The following PTPRN2 variants were observed in gnomAD, a reference collection of about 807,000 sequenced individuals.
PTPRN2 encodes the protein receptor-type tyrosine-protein phosphatase N2.
In PTPRN2, 74 loss-of-function variants were observed where a neutral mutation model predicts 118.8. That is an observed-to-expected ratio of 0.62 (90% confidence interval 0.52 to 0.76). The LOEUF (loss-of-function observed/expected upper bound fraction) is 0.76, where lower values mean the gene tolerates loss of function less well. Among genes scored for constraint, PTPRN2 ranks in the 30% least tolerant of loss-of-function variants. The pLI, the probability that PTPRN2 is intolerant of heterozygous loss-of-function variation, is 0.00. For synonymous variants in PTPRN2, 641 were observed against 608.0 expected, an observed-to-expected ratio of 1.05 and a Z score of -0.80; for missense variants, 1,481 against 1,394.4, an observed-to-expected ratio of 1.06 and a Z score of -0.99.
intron 6 of PTPRN2, among the ~76,000 whole-genome samples, chr7:158,145,019 G>A (rs913434597): frequency 7.4e-5 from 11 of 148,624 alleles, no homozygotes; most frequent in East Asian, 1.9e-4. Flanking sequence ...TCACATCATC[G>A]CGAGAAGGTT....
At chr7:157,826,713 G>C (rs915016920) in intron 12 of PTPRN2, among the ~76,000 whole-genome samples, 1 of 152,134 alleles carries the variant, frequency 6.6e-6, no homozygotes, top group Non-Finnish European at 1.5e-5. Context: ...GGAGCCTGGC[G>C]GGGACTTGGG....
At chr7:157,862,349 G>A (rs180772434) in intron 12 of PTPRN2, among the ~76,000 whole-genome samples, 6 of 152,238 alleles carry the variant, frequency 3.9e-5, no homozygotes, top group African/African-American at 9.6e-5. Context: ...GAAGTTCCCT[G>A]ACAGACTTGA....
chr7:158,194,130 TGTGAGTTTGTGTAA>T (rs1283990150), intron 4 of PTPRN2, among the ~76,000 whole-genome samples: 1 of 139,290 alleles, frequency 7.2e-6, no homozygotes, highest in African/African-American at 3.4e-5. Flanking sequence ...CATGTGCGTG[TGTGAGTTTGTGTAA>T]GTGTGTGTGT....
chr7:157,600,793 C>A (rs1182910663), intron 16 of PTPRN2, among the ~76,000 whole-genome samples: 1 of 152,200 alleles, frequency 6.6e-6, no homozygotes, highest in South Asian at 2.1e-4. Flanking sequence ...TGAATATAAA[C>A]CATTATTATA....
intron 5 of PTPRN2, among the ~76,000 whole-genome samples, chr7:158,177,259 T>G (rs1824294800): frequency 6.6e-6 from 1 of 152,228 alleles, no homozygotes; most frequent in South Asian, 2.1e-4. Context: ...TTATGGATTT[T>G]TTTTTAATTT....
At chr7:157,870,692 T>C (rs1409729350) in intron 12 of PTPRN2, among the ~76,000 whole-genome samples, 1 of 152,184 alleles carries the variant, frequency 6.6e-6, no homozygotes, top group African/African-American at 2.4e-5. Context: ...TCAGAATCTC[T>C]TCCATAACAA....
chr7:158,332,381 C>A (rs1284234380), intron 2 of PTPRN2, among the ~76,000 whole-genome samples: 4 of 128,676 alleles, frequency 3.1e-5, no homozygotes, highest in Admixed American at 7.5e-5. Context: ...AGAGGTGACA[C>A]CTGCAGATGT....
At chr7:157,681,480 A>G (rs530125304) in intron 13 of PTPRN2, among the ~76,000 whole-genome samples, 2 of 152,380 alleles carry the variant, frequency 1.3e-5, no homozygotes, top group Admixed American at 6.5e-5. Flanking sequence ...ATTTCTTTGT[A>G]AGAAAAAGAT....
chr7:158,040,736 C>CTTTT (rs58192875), intron 11 of PTPRN2, among the ~76,000 whole-genome samples: 4,359 of 142,158 alleles, frequency 0.031, 106 homozygotes, highest in Non-Finnish European at 0.042. Flanking sequence ...TTTTTTCTTT[C>CTTTT]TTTTTTTTTT....
chr7:158,551,019 C>T (rs1309784743), intron 1 of PTPRN2, among the ~76,000 whole-genome samples: 2 of 152,200 alleles, frequency 1.3e-5, no homozygotes, highest in African/African-American at 2.4e-5. Context: ...CCACCAGCAG[C>T]GACCGTGAGC....
chr7:158,272,782 T>G (rs753581838), intron 3 of PTPRN2, among the ~76,000 whole-genome samples: 1 of 151,890 alleles, frequency 6.6e-6, no homozygotes, highest in Non-Finnish European at 1.5e-5. Flanking sequence ...CAGGGCCTCA[T>G]AGGTGTGAGG....
intron 11 of PTPRN2, among the ~76,000 whole-genome samples, chr7:157,943,525 T>C (rs942105538): frequency 1.3e-5 from 2 of 151,964 alleles, no homozygotes; most frequent in Non-Finnish European, 2.9e-5. Flanking sequence ...CTGGACCTGT[T>C]GGTTCCGAGG....
Position 158,544,357 on chromosome 7 carries a change from C to T in PTPRN2, c.112+43201G>A, listed in dbSNP as rs184948501. On this transcript the variant is annotated intron_variant, in intron 1 of 22. Coordinates refer to ENST00000389418, the MANE Select transcript of PTPRN2 (RefSeq NM_002847.5). The surrounding 1 kb of genome is among the most constrained non-coding windows in gnomAD (Gnocchi z 4.2). ...TTAAAACATTATGAGATTTTTTGGC[C>T]GGGTGCGGTGGCTCATGCCTGTAAT... Among the ~76,000 whole-genome samples the T allele has an allele frequency of 2.6e-4, 40 of 151,992 alleles. No individual in the cohort carries two copies. The highest frequency in any genetic ancestry group is 8.2e-4 in the African/African-American group (34 of 41,456).
intron 9 of PTPRN2, among the ~76,000 whole-genome samples, chr7:158,130,164 T>C (rs536853899): frequency 1.3e-5 from 2 of 152,300 alleles, no homozygotes; most frequent in African/African-American, 4.8e-5. Flanking sequence ...TGATGAAATG[T>C]AGCATCTGCA....
At position 157,676,666 on chromosome 7, in the gene PTPRN2, C is replaced by T. The variant is rs1021371814; in HGVS notation, c.2001+6059G>A. ...CTGCCACTGGCCCTGTGGGCTGGGG[C>T]GCCTCTCAGTTTATCTGCTGCTGAC... is the stretch of plus-strand genomic sequence containing the variant. On this transcript the variant is annotated intron_variant, in intron 13 of 22. Coordinates refer to ENST00000389418, the MANE Select transcript of PTPRN2 (RefSeq NM_002847.5). The surrounding 1 kb of genome is among the most constrained non-coding windows in gnomAD (Gnocchi z 5.6). Among the ~76,000 whole-genome samples the T allele has an allele frequency of 1.3e-5, 2 of 152,314 alleles. No individual in the cohort carries two copies. The highest frequency in any genetic ancestry group is 4.8e-5 in the African/African-American group (2 of 41,562).
rs1302326854 is a variant in PTPRN2 at position 157,964,596 on chromosome 7, C to CAGCAGGGCCCTT, written c.1724-65871_1724-65860dup. Among the ~76,000 whole-genome samples the CAGCAGGGCCCTT allele has an allele frequency of 6.6e-6, 1 of 152,186 alleles. No individual in the cohort carries two copies. On this transcript the variant is annotated intron_variant, in intron 11 of 22. Transcript: ENST00000389418. This position sits in a 1 kb window ranked among gnomAD's most constrained non-coding sequence, Gnocchi z 9.0. Reference sequence around the variant, plus strand: ...GCAGGCCACAACACAGGAGCAGGTGCAGCAGGGCCCTTGAGTCTGTCTCAC... The same window carrying CAGCAGGGCCCTT: ...GCAGGCCACAACACAGGAGCAGGTGCAGCAGGGCCCTTAGCAGGGCCCTTGAGTCTGTCTCAC...
At chr7:157,754,830 T>C (rs1442792991) in intron 12 of PTPRN2, among the ~76,000 whole-genome samples, 1 of 152,342 alleles carries the variant, frequency 6.6e-6, no homozygotes, top group African/African-American at 2.4e-5. Context: ...AGGTGCTTCA[T>C]GAACACTCTG....
rs143147541 is a variant in PTPRN2, at chr7:158,285,238, C to A, written c.277+31581G>T. ...ATGTGTGGGAAGAAAAGGGCACTCG[C>A]GGTCCCATGGGCCAAACAAAAGAGT... On this transcript the variant is annotated intron_variant, in intron 3 of 22. Coordinates refer to ENST00000389418, the MANE Select transcript of PTPRN2 (RefSeq NM_002847.5). Among the ~76,000 whole-genome samples the A allele has an allele frequency of 4.2e-3, 646 of 152,300 alleles. 2 individuals are homozygous for A. Among genetic ancestry groups the A allele is most frequent in the Middle Eastern group, 0.01 (3 of 294 alleles).
At chr7:158,534,752 C>T (rs1825544528) in intron 1 of PTPRN2, among the ~76,000 whole-genome samples, 1 of 152,306 alleles carries the variant, frequency 6.6e-6, no homozygotes, top group African/African-American at 2.4e-5. Context: ...CTGTGCAGAC[C>T]CTCTGAAGAC....
Sources: gnomAD v4.1 joint callset for allele counts (sites outside exome capture counted in the v4.1 genomes callset) on GRCh38, gnomAD v4.1.1 for gene constraint, Gnocchi (gnomAD v3.1) non-coding constraint, MANE v1.5 for transcripts, NCBI Gene and HGNC (gene_info 2026-07-23, HGNC 2026-07-21) for gene names.